IL17RE: variants seen among roughly 807,000 people sequenced by gnomAD.
IL17RE encodes interleukin-17 receptor E.
Under a neutral mutation model 70.7 loss-of-function variants are expected in IL17RE, and 47 were observed. The observed-to-expected ratio is 0.67, with a 90% CI of 0.53 to 0.85. The LOEUF is 0.85. Among genes scored for constraint, IL17RE ranks in the 40% least tolerant of loss-of-function variants. The pLI is 0.00. For synonymous variants in IL17RE, 372 were observed against 381.2 expected, an observed-to-expected ratio of 0.98 and a Z score of 0.28; for missense variants, 850 against 893.9, an observed-to-expected ratio of 0.95 and a Z score of 0.63.
In IL17RE at chr3:9,910,852, G is replaced by A. The variant is rs1215829773; in HGVS notation, c.803-13G>A. ...GGGCTGACCCTCACCCACTGACCCT[G>A]CCACCTGCCCAGATGGCTCGGACTT... is the stretch of plus-strand genomic sequence containing the variant. On this transcript the variant is annotated splice_polypyrimidine_tract_variant and intron_variant, in intron 8 of 15. Transcript: ENST00000383814. The A allele has an allele frequency of 1.2e-6, 2 of 1,610,748 alleles. No homozygotes were observed. Among genetic ancestry groups the A allele is most frequent in the East Asian group, 4.5e-5 (2 of 44,790 alleles).
chr3:9,914,497 C>A (rs111889619), intron 13 of IL17RE, 51 bp from the exon 14 acceptor site: 1 of 1,609,306 alleles, frequency 6.2e-7, no homozygotes, highest in Non-Finnish European at 8.5e-7. Flanking sequence ...CTCAGCTCCC[C>A]GGGAGGAGAA....
chr3:9,915,170 C>T lies in IL17RE; in HGVS notation c.1448-81C>T. 4.5e-6 allele frequency: 6 copies of T among 1,340,570 alleles called. No individual in the cohort carries two copies. In the South Asian group the frequency reaches 1.2e-4, roughly 26 times the overall value. The allele number at this position is 1,340,570 out of a possible 1,614,324, so 83.0% of individuals were successfully genotyped here. A position where few individuals can be genotyped will look rare whatever the true frequency, so the allele number is the denominator to read the frequency against. On this transcript the variant is annotated intron_variant, in intron 15 of 15. Coordinates refer to ENST00000383814, the MANE Select transcript of IL17RE (RefSeq NM_153480.2). The surrounding 1 kb of genome is among the most constrained non-coding windows in gnomAD (Gnocchi z 4.9). ...CGGGGGCGGAGAGGCGAGCACCCTA[C>T]GGTATCCCGAGAGGGTGGGGAGAAG...
chr3:9,911,243 T>C lies in IL17RE; in HGVS notation c.1027-12T>C, dbSNP rs771442064. ...CTGGAGCTTGCTAATCTGCCATTCCTGTATTTCTCAGTTCTCTTTTGGAAA... is the reference window on the plus strand; with the variant it reads ...CTGGAGCTTGCTAATCTGCCATTCCCGTATTTCTCAGTTCTCTTTTGGAAA... On this transcript the variant is annotated splice_polypyrimidine_tract_variant and intron_variant, in intron 10 of 15. Coordinates refer to ENST00000383814, the MANE Select transcript of IL17RE (RefSeq NM_153480.2). 8 of 1,614,226 alleles carry C rather than the reference T, an allele frequency of 5.0e-6. No individual in the cohort carries two copies. The South Asian group carries it at 7.7e-5, about 16-fold the overall frequency.
chr3:9,904,587 C>A (rs2082709883), intron 3 of IL17RE, among the ~76,000 whole-genome samples: 1 of 152,096 alleles, frequency 6.6e-6, no homozygotes, highest in South Asian at 2.1e-4. Flanking sequence ...GAATTCGAGA[C>A]CAGTCTGGAC....
rs1342527731 is a variant in IL17RE, at chr3:9,915,230, T to C, written c.1448-21T>C. The C allele has an allele frequency of 1.6e-5, 22 of 1,376,978 alleles. No individual in the cohort carries two copies. Among genetic ancestry groups the C allele is most frequent in the Non-Finnish European group, 2.1e-5 (22 of 1,070,738 alleles). 85.3% of individuals were successfully genotyped at this position (1,376,978 alleles called of 1,614,324 possible). On this transcript the variant is annotated intron_variant, in intron 15 of 15. Transcript: ENST00000383814. This position sits in a 1 kb window ranked among gnomAD's most constrained non-coding sequence, Gnocchi z 4.9. ...CAGTCCCTCAGCCGCCCAGCCTTCATCTGTTGCTTCCCGCCACCAGGCCCG... is the reference window on the plus strand; with the variant it reads ...CAGTCCCTCAGCCGCCCAGCCTTCACCTGTTGCTTCCCGCCACCAGGCCCG...
At chr3:9,909,394 C>A in intron 8 of IL17RE, 111 bp downstream of exon 8, 1 of 1,003,574 alleles carries the variant, frequency 1.0e-6, no homozygotes, top group Non-Finnish European at 1.5e-6. Context: ...CACACATGTG[C>A]TGGGGGAAGT....
rs777127140 is a variant in IL17RE at position 9,910,960 on chromosome 3, G to A, written c.898G>A (p.Glu300Lys). 12 of 1,614,204 alleles carry A rather than the reference G, an allele frequency of 7.4e-6. No individual in the cohort carries two copies. The South Asian group carries it at 1.2e-4, about 16-fold the overall frequency. ...ALTLRCPLKLEAALCQRHDWH... is the reference protein window; with the variant it reads ...ALTLRCPLKLKAALCQRHDWH... Reference sequence around the variant, plus strand: ...GACACTCCGCTGCCCACTGAAGCTGGAAGCTGCCCTCTGCCAGAGGCACGA... The same window carrying A: ...GACACTCCGCTGCCCACTGAAGCTGAAAGCTGCCCTCTGCCAGAGGCACGA... Residue 300 changes from glutamate to lysine, a missense_variant, in exon 9 of 16, where the codon GAA becomes AAA. Coordinates refer to ENST00000383814, the MANE Select transcript of IL17RE (RefSeq NM_153480.2).
chr3:9,910,656 G>T (rs1000408075), intron 8 of IL17RE, among the ~76,000 whole-genome samples: 5 of 152,192 alleles, frequency 3.3e-5, no homozygotes, highest in African/African-American at 1.2e-4. Context: ...CTGCACTCCA[G>T]ACTGGGCGAC....
At chr3:9,914,050 A>G (rs774546228) in intron 13 of IL17RE, 26 bp downstream of exon 13, 2 of 1,577,962 alleles carry the variant, frequency 1.3e-6, no homozygotes, top group East Asian at 2.2e-5. Flanking sequence ...CTCACTCTAC[A>G]TACAGAGCCT....
chr3:9,908,244 T>G lies in IL17RE; in HGVS notation c.672T>G (p.Ile224Met), dbSNP rs771573643. ...CTTTGCTGTTTCATCCACAGAAAATTGTGTCTGGGGGCCACACTGTAGAGC... is the reference window on the plus strand; with the variant it reads ...CTTTGCTGTTTCATCCACAGAAAATGGTGTCTGGGGGCCACACTGTAGAGC... Reference protein sequence around the residue: ...ELSSPYDVQKIVSGGHTVELP... With the variant: ...ELSSPYDVQKMVSGGHTVELP... Residue 224 changes from isoleucine to methionine, a missense_variant, in exon 7 of 16, where the codon ATT becomes ATG. Ile to Met is a conservative substitution (Grantham distance 10, BLOSUM62 1). Coordinates refer to ENST00000383814, the MANE Select transcript of IL17RE (RefSeq NM_153480.2). The G allele has an allele frequency of 1.2e-6, 2 of 1,613,978 alleles. No individual in the cohort carries two copies. Among genetic ancestry groups the G allele is most frequent in the African/African-American group, 2.7e-5 (2 of 74,934 alleles).
chr3:9,916,080 A>C lies in IL17RE; in HGVS notation c.*273A>C. ...CCCACTTCCTCTCCAGAACTCCAGAAAGAGCAGTGTGCTTATGCTTCAGTC... is the reference window on the plus strand; with the variant it reads ...CCCACTTCCTCTCCAGAACTCCAGACAGAGCAGTGTGCTTATGCTTCAGTC... On this transcript the variant is annotated 3_prime_UTR_variant, in exon 16 of 16. Coordinates refer to ENST00000383814, the MANE Select transcript of IL17RE (RefSeq NM_153480.2). 1.5e-5 allele frequency: 6 copies of C among 401,126 alleles called. No individual in the cohort carries two copies. The highest frequency in any genetic ancestry group is 2.5e-5 in the Non-Finnish European group (6 of 236,592). 24.8% of individuals were successfully genotyped at this position (401,126 alleles called of 1,614,324 possible). A position where few individuals can be genotyped will look rare whatever the true frequency, so the allele number is the denominator to read the frequency against.
rs1037975961 is a variant in IL17RE, at chr3:9,915,516, C to A, written c.1713C>A (p.Asp571Glu). The change falls in exon 16 of 16, where the codon GAC becomes GAA. Residue 571 changes from aspartate (D) to glutamate (E), a missense_variant. By Grantham distance (45) the Asp-to-Glu change is conservative. Transcript: ENST00000383814. This position sits in a 1 kb window ranked among gnomAD's most constrained non-coding sequence, Gnocchi z 4.9. ...GADLRPVSGP[D>E]PRAAPLLALL... ...ACCTTCGCCCGGTCAGCGGCCCCGA[C>A]CCCCGCGCCGCGCCCCTGCTCGCCC... The A allele has an allele frequency of 2.3e-6, 3 of 1,319,192 alleles. No individual in the cohort carries two copies. Among genetic ancestry groups the A allele is most frequent in the African/African-American group, 1.5e-5 (1 of 64,798 alleles). The allele number at this position is 1,319,192 out of a possible 1,614,324, so 81.7% of individuals were successfully genotyped here. A position where few individuals can be genotyped will look rare whatever the true frequency, so the allele number is the denominator to read the frequency against.
Position 9,903,311 on chromosome 3 carries a change from G to A in IL17RE, c.133-86G>A, listed in dbSNP as rs2082679270. 2.7e-6 allele frequency: 4 copies of A among 1,499,380 alleles called. No individual in the cohort carries two copies. The Admixed American group carries it at 5.1e-5, about 19-fold the overall frequency. 92.9% of individuals were successfully genotyped at this position (1,499,380 alleles called of 1,614,324 possible). The stretch of plus-strand genomic sequence containing the variant: ...GGGGCTCAGAATTTGCTGATTTGAA[G>A]CAAAGACCCCAGGAATGTGCCTTAT... On this transcript the variant is annotated intron_variant, in intron 1 of 15. Transcript: ENST00000383814.
At position 9,910,766 on chromosome 3, in the gene IL17RE, CT is replaced by C. The variant is rs1429000479; in HGVS notation, c.803-95del. ...TTCTGGCCAGGAATAGTGCTGGTTA[CT>C]TTTACAAACATTATCTCCAGCTGCC... On this transcript the variant is annotated intron_variant, in intron 8 of 15. Coordinates refer to ENST00000383814, the MANE Select transcript of IL17RE (RefSeq NM_153480.2). 1.0e-5 allele frequency: 11 copies of C among 1,070,676 alleles called. No individual in the cohort carries two copies. The East Asian group carries it at 2.8e-4, about 28-fold the overall frequency. The allele number at this position is 1,070,676 out of a possible 1,614,324, so 66.3% of individuals were successfully genotyped here. A position where few individuals can be genotyped will look rare whatever the true frequency, so the allele number is the denominator to read the frequency against.
Position 9,911,113 on chromosome 3 carries a change from C to T in IL17RE, c.979-14C>T. The T allele has an allele frequency of 6.2e-7, 1 of 1,614,174 alleles. No individual in the cohort carries two copies. Reference sequence around the variant, plus strand: ...GGAATTTTCTCCCTGATGAACTCTCCTCTCCTCCCACAGTGGTATGTTTTG... The same window carrying T: ...GGAATTTTCTCCCTGATGAACTCTCTTCTCCTCCCACAGTGGTATGTTTTG... On this transcript the variant is annotated splice_polypyrimidine_tract_variant and intron_variant, in intron 9 of 15. Coordinates refer to ENST00000383814, the MANE Select transcript of IL17RE (RefSeq NM_153480.2).
chr3:9,911,291 C>A lies in IL17RE; in HGVS notation c.1063C>A (p.His355Asn), dbSNP rs761501267. ...FGNSSHVECP[H>N]QTGSLTSWNV... is the part of the protein sequence containing the mutation. Reference sequence around the variant, plus strand: ...AAACAGCAGCCATGTTGAATGCCCCCACCAGACTGGTGAGTCAATAAGTGA... The same window carrying A: ...AAACAGCAGCCATGTTGAATGCCCCAACCAGACTGGTGAGTCAATAAGTGA... Residue 355 changes from histidine (H) to asparagine (N), a missense_variant, in exon 11 of 16, where the codon CAC (histidine) becomes AAC (asparagine). Physicochemically the swap from His to Asn is moderately conservative, Grantham distance 68. Coordinates refer to ENST00000383814, the MANE Select transcript of IL17RE (RefSeq NM_153480.2). 1 of 1,614,186 alleles carries A rather than the reference C, an allele frequency of 6.2e-7. No individual in the cohort carries two copies. The highest frequency in any genetic ancestry group is 1.1e-5 in the South Asian group (1 of 91,076).
chr3:9,913,434 T>C (rs1010557143), intron 12 of IL17RE, among the ~76,000 whole-genome samples: 43 of 151,032 alleles, frequency 2.8e-4, no homozygotes, highest in Non-Finnish European at 4.9e-4. Context: ...AATAAATAAA[T>C]AAACAAACAT....
In IL17RE at chr3:9,906,439, AC is replaced by A; in HGVS notation, c.345del (p.His115GlnfsTer78). ...KSSTFKFYRR[H>X]KMPAPAQRKL... is the part of the protein sequence containing the mutation. ...TCCACATTCAAGTTCTATAGGAGAC[AC>A]AAGATGCCAGCACCTGCTCAGGTAC... On this transcript the variant is annotated frameshift_variant, in exon 4 of 16. Transcript: ENST00000383814. LOFTEE classifies it high-confidence loss of function. 1.9e-6 allele frequency: 3 copies of A among 1,613,402 alleles called. No homozygotes were observed. The highest frequency in any genetic ancestry group is 1.7e-6 in the Non-Finnish European group (2 of 1,179,402).
At chr3:9,908,333 G>C (rs1163465339) in intron 7 of IL17RE, 26 bp downstream of exon 7, 2 of 1,601,732 alleles carry the variant, frequency 1.2e-6, no homozygotes, top group Admixed American at 3.3e-5. Flanking sequence ...GGTGTGGGCT[G>C]TCCATGGCTC....
Sources: gnomAD v4.1 joint callset for allele counts (sites outside exome capture counted in the v4.1 genomes callset) on GRCh38, gnomAD v4.1.1 for gene constraint, Gnocchi (gnomAD v3.1) non-coding constraint, MANE v1.5 for transcripts, NCBI Gene and HGNC (gene_info 2026-07-23, HGNC 2026-07-21) for gene names.